Variants in EPB41L2 observed in about 807,000 individuals in gnomAD.
EPB41L2 encodes the protein band 4.1-like protein 2.
Under a neutral mutation model 113.0 loss-of-function variants are expected in EPB41L2, and 43 were observed. The observed-to-expected ratio is 0.38, with a 90% confidence interval of 0.30 to 0.49. The LOEUF (loss-of-function observed/expected upper bound fraction) is 0.49. Among genes scored for constraint, EPB41L2 ranks in the 20% least tolerant of loss-of-function variants. The pLI is 0.95. For missense variants in EPB41L2, 1,147 were observed against 1,223.4 expected, an observed-to-expected ratio of 0.94 and a Z score of 0.93; for synonymous variants, 442 against 436.7, an observed-to-expected ratio of 1.01 and a Z score of -0.15.
intron 4 of EPB41L2, among the ~76,000 whole-genome samples, chr6:130,917,654 C>A (rs1254478534): frequency 6.6e-6 from 1 of 152,164 alleles, no homozygotes; most frequent in Admixed American, 6.5e-5. Context: ...ATCTCTCTTG[C>A]CTACTGCAAA....
chr6:131,016,355 T>C (rs544074231), intron 1 of EPB41L2, among the ~76,000 whole-genome samples: 1 of 152,302 alleles, frequency 6.6e-6, no homozygotes, highest in East Asian at 1.9e-4. Context: ...AGAAACAGCA[T>C]TGAATTATTT....
intron 1 of EPB41L2, among the ~76,000 whole-genome samples, chr6:131,031,614 A>G (rs114631242): frequency 6.6e-6 from 1 of 152,320 alleles, no homozygotes; most frequent in African/African-American, 2.4e-5. Context: ...CACAAAAAAG[A>G]AAATAACTTA....
At chr6:130,863,746 A>C in intron 17 of EPB41L2, 28 bp from the exon 18 acceptor site, 1 of 1,538,344 alleles carries the variant, frequency 6.5e-7, no homozygotes. Flanking sequence ...GAAGAAGAAA[A>C]AACAGCAATC....
chr6:131,042,870 G>A (rs1441498465), intron 1 of EPB41L2, among the ~76,000 whole-genome samples: 1 of 152,182 alleles, frequency 6.6e-6, no homozygotes, highest in East Asian at 1.9e-4. Context: ...AATGAAGCTG[G>A]AGTAGAAATT....
intron 16 of EPB41L2, among the ~76,000 whole-genome samples, chr6:130,866,887 T>A (rs781203031): frequency 2.6e-5 from 4 of 152,206 alleles, no homozygotes; most frequent in Non-Finnish European, 5.9e-5. Flanking sequence ...ACACATGGTA[T>A]CACCATTCAC....
chr6:130,916,054 T>C (rs1800953406), intron 4 of EPB41L2, among the ~76,000 whole-genome samples: 1 of 152,250 alleles, frequency 6.6e-6, no homozygotes, highest in South Asian at 2.1e-4. Context: ...TGGCTTTCTT[T>C]GTAGCCCTGT....
At chr6:130,956,646 A>C (rs1817536715) in intron 1 of EPB41L2, 147 bp from the exon 2 acceptor site, 3 of 788,420 alleles carry the variant, frequency 3.8e-6, no homozygotes, top group Non-Finnish European at 3.9e-6. Flanking sequence ...TCAAAAGCAC[A>C]AGACAAAATG....
chr6:130,898,492 A>T (rs908008606), intron 8 of EPB41L2, among the ~76,000 whole-genome samples: 1 of 152,140 alleles, frequency 6.6e-6, no homozygotes, highest in African/African-American at 2.4e-5. Flanking sequence ...AACCAAATTC[A>T]TATTTCACCT....
At chr6:131,062,373 T>C (rs1275933320) in intron 1 of EPB41L2, 2 of 151,988 alleles carry the variant, frequency 1.3e-5, no homozygotes, top group Non-Finnish European at 2.9e-5. Flanking sequence ...CCTTCCCCGC[T>C]GCTCACCTAA....
chr6:130,964,423 C>T (rs895896030), intron 1 of EPB41L2, among the ~76,000 whole-genome samples: 1 of 151,722 alleles, frequency 6.6e-6, no homozygotes, highest in African/African-American at 2.4e-5. Context: ...AGAATTTCAG[C>T]TCTGCTTATT....
chr6:130,984,498 G>C (rs1024982371), intron 1 of EPB41L2, among the ~76,000 whole-genome samples: 1 of 152,154 alleles, frequency 6.6e-6, no homozygotes, highest in African/African-American at 2.4e-5. Flanking sequence ...AATGTCACCA[G>C]ATAATAGGAA....
chr6:130,993,407 G>A (rs1053094679), intron 1 of EPB41L2, among the ~76,000 whole-genome samples: 6 of 152,126 alleles, frequency 3.9e-5, no homozygotes, highest in Non-Finnish European at 2.9e-5. Context: ...CTCTTGTATC[G>A]GTTCAAACCC....
intron 1 of EPB41L2, among the ~76,000 whole-genome samples, chr6:130,999,911 A>C (rs192958782): frequency 2.2e-4 from 34 of 152,336 alleles, no homozygotes; most frequent in Admixed American, 1.2e-3. Context: ...GGCAAAAAAT[A>C]GTTGCCAGGT....
intron 3 of EPB41L2, among the ~76,000 whole-genome samples, chr6:130,934,175 G>C (rs375727354): frequency 3.9e-5 from 6 of 152,132 alleles, no homozygotes; most frequent in African/African-American, 1.4e-4. Flanking sequence ...TGATTTATCA[G>C]ATAATTATTT....
intron 6 of EPB41L2, 113 bp from the exon 7 acceptor site, chr6:130,901,293 C>T: frequency 1.2e-6 from 1 of 832,010 alleles, no homozygotes; most frequent in Non-Finnish European, 1.9e-6. Flanking sequence ...AATATAGGCA[C>T]TCTTCATATA....
intron 1 of EPB41L2, among the ~76,000 whole-genome samples, chr6:130,981,115 A>G (rs1479415449): frequency 6.6e-6 from 1 of 152,228 alleles, no homozygotes. Context: ...ATTTATATAA[A>G]CATATGGCTT....
chr6:131,027,804 T>C (rs1386477324), intron 1 of EPB41L2, among the ~76,000 whole-genome samples: 1 of 152,080 alleles, frequency 6.6e-6, no homozygotes, highest in Non-Finnish European at 1.5e-5. Flanking sequence ...AAATTTAAAG[T>C]TTTTAAAAAT....
chr6:130,851,121 C>T (rs891994885), intron 19 of EPB41L2, among the ~76,000 whole-genome samples: 1 of 152,202 alleles, frequency 6.6e-6, no homozygotes, highest in African/African-American at 2.4e-5. Flanking sequence ...ATGCAACACA[C>T]CTGATATGCC....
chr6:130,957,071 A>G (rs536937549), intron 1 of EPB41L2, among the ~76,000 whole-genome samples: 2 of 152,326 alleles, frequency 1.3e-5, no homozygotes, highest in East Asian at 3.9e-4. Context: ...GTGTTCCAAT[A>G]TTAAATCCCG....
Sources: gnomAD v4.1 joint callset for allele counts (sites outside exome capture counted in the v4.1 genomes callset) on GRCh38, gnomAD v4.1.1 for gene constraint, MANE v1.5 for transcripts, NCBI Gene and HGNC (gene_info 2026-07-23, HGNC 2026-07-21) for gene names.